KATNIP: variants seen among roughly 807,000 people sequenced by gnomAD.
The protein encoded by KATNIP is katanin-interacting protein.
A neutral mutation model predicts 174.0 loss-of-function variants in KATNIP; 126 were observed. The ratio of observed to expected loss-of-function variants is 0.72; its 90% CI spans 0.63 to 0.84. The LOEUF (loss-of-function observed/expected upper bound fraction) is 0.84. Ranked by LOEUF, KATNIP falls within the 40% of genes least tolerant of loss-of-function variation. The pLI is 0.00. For synonymous variants in KATNIP, 810 were observed against 835.7 expected (o/e 0.97, Z 0.53); for missense variants, 1,958 against 2,109.7 (o/e 0.93, Z 1.41).
rs1195279565 is a variant in KATNIP at position 27,774,625 on chromosome 16, T to G, written c.4310-320T>G. On this transcript the variant is annotated intron_variant, in intron 23 of 27. Coordinates refer to ENST00000261588, the MANE Select transcript of KATNIP (RefSeq NM_015202.5). ...AAGAAAACCTCCGCAGAGCTTGCCCTCCACCCTCTCAAGCAGCAGCAACAT... is the reference window on the plus strand; with the variant it reads ...AAGAAAACCTCCGCAGAGCTTGCCCGCCACCCTCTCAAGCAGCAGCAACAT... 2.0e-5 allele frequency among the ~76,000 whole-genome samples: 3 copies of G among 152,114 alleles called. No individual in the cohort carries two copies. In the East Asian group the frequency reaches 5.8e-4, roughly 29 times the overall value.
chr16:27,733,830 G>T (rs1438589961), intron 14 of KATNIP, among the ~76,000 whole-genome samples: 1 of 152,132 alleles, frequency 6.6e-6, no homozygotes, highest in Non-Finnish European at 1.5e-5. Flanking sequence ...CACTGAGGGG[G>T]CGCAGAGGAA....
intron 8 of KATNIP, among the ~76,000 whole-genome samples, chr16:27,690,355 TA>T (rs370609920): frequency 1.2e-4 from 13 of 109,056 alleles, no homozygotes; most frequent in Non-Finnish European, 1.8e-4. Flanking sequence ...GATAGATAGA[TA>T]GATAGATGAT....
In KATNIP at chr16:27,667,582, G is replaced by C. The variant is rs76715028; in HGVS notation, c.541-10147G>C. 3.2e-3 allele frequency among the ~76,000 whole-genome samples: 489 copies of C among 152,240 alleles called. 26 individuals carry two copies. In the East Asian group the frequency reaches 0.087, roughly 27 times the overall value. ...ATTGGGGTTCCAGGGGCAGGGGGTT[G>C]GTTGGGGAGGTCTGGCCTTTCTGCC... On this transcript the variant is annotated intron_variant, in intron 6 of 27. Transcript: ENST00000261588.
chr16:27,764,128 T>C (rs1189822526), intron 19 of KATNIP, among the ~76,000 whole-genome samples: 1 of 152,226 alleles, frequency 6.6e-6, no homozygotes, highest in African/African-American at 2.4e-5. Flanking sequence ...TTTAAATTTA[T>C]TTGCTGAAAT....
In KATNIP at chr16:27,637,772, T is replaced by C. The variant is rs1370028044; in HGVS notation, c.408+6610T>C. ...GGCCTAGAAGACCACAGGAGGAAGT[T>C]TGGATTTCAATCTAAATGTGAGAAT... is the stretch of plus-strand genomic sequence containing the variant. On this transcript the variant is annotated intron_variant, in intron 5 of 27. Coordinates refer to ENST00000261588, the MANE Select transcript of KATNIP (RefSeq NM_015202.5). This position sits in a 1 kb window ranked among gnomAD's most constrained non-coding sequence, Gnocchi z 4.7. Among the ~76,000 whole-genome samples, 1 of 152,042 alleles carries C rather than the reference T, an allele frequency of 6.6e-6. No homozygotes were observed. The highest frequency in any genetic ancestry group is 2.4e-5 in the African/African-American group (1 of 41,374).
chr16:27,686,383 T>G (rs919854696), intron 8 of KATNIP, among the ~76,000 whole-genome samples: 2 of 152,360 alleles, frequency 1.3e-5, no homozygotes, highest in Admixed American at 1.3e-4. Context: ...AAGTCTACTT[T>G]GTCTGATATA....
At chr16:27,606,295 A>G (rs542037460) in intron 2 of KATNIP, among the ~76,000 whole-genome samples, 29 of 152,120 alleles carry the variant, frequency 1.9e-4, no homozygotes, top group Non-Finnish European at 3.2e-4. Context: ...ACTGTAAGAT[A>G]CATTTGGATC....
At chr16:27,754,079 G>A (rs539490102) in intron 17 of KATNIP, 94 bp from the exon 18 acceptor site, 3 of 971,436 alleles carry the variant, frequency 3.1e-6, no homozygotes, top group East Asian at 2.4e-5. Context: ...GGCATAGGGT[G>A]GGCAGTGGTA....
At chr16:27,616,595 C>T (rs1487812071) in intron 2 of KATNIP, among the ~76,000 whole-genome samples, 1 of 151,138 alleles carries the variant, frequency 6.6e-6, no homozygotes, top group East Asian at 2.0e-4. Flanking sequence ...GGCATGGTGG[C>T]AGGTGACTGT....
intron 18 of KATNIP, among the ~76,000 whole-genome samples, chr16:27,761,172 C>T (rs950304176): frequency 6.6e-6 from 1 of 152,162 alleles, no homozygotes; most frequent in Non-Finnish European, 1.5e-5. Flanking sequence ...AGGAAGGACT[C>T]AGGGCTATGT....
At chr16:27,574,196 A>G in intron 2 of KATNIP, 4 of 516,330 alleles carry the variant, frequency 7.7e-6, no homozygotes, top group Non-Finnish European at 1.4e-5. Context: ...TTGTCTGTGT[A>G]ACAAATCATC....
At chr16:27,667,548 A>G (rs894804690) in intron 6 of KATNIP, among the ~76,000 whole-genome samples, 13 of 152,128 alleles carry the variant, frequency 8.5e-5, no homozygotes, top group African/African-American at 3.1e-4. Context: ...CAACCAAATG[A>G]GAGACATTAT....
chr16:27,667,092 A>G (rs116248838), intron 6 of KATNIP, among the ~76,000 whole-genome samples: 3,438 of 152,224 alleles, frequency 0.023, 150 homozygotes, highest in African/African-American at 0.079. Flanking sequence ...AGGCCGAGGC[A>G]GGAGGATCGC....
chr16:27,578,087 G>T (rs910125449), intron 2 of KATNIP, among the ~76,000 whole-genome samples: 13 of 152,210 alleles, frequency 8.5e-5, no homozygotes, highest in East Asian at 3.9e-4. Context: ...TGCAACCTGG[G>T]CATCAGAATT....
chr16:27,625,939 TC>T (rs2076320265), intron 3 of KATNIP, among the ~76,000 whole-genome samples: 1 of 151,500 alleles, frequency 6.6e-6, no homozygotes, highest in Non-Finnish European at 1.5e-5. Flanking sequence ...AGCCTCAACC[TC>T]CCCAGTTCAA....
intron 14 of KATNIP, among the ~76,000 whole-genome samples, chr16:27,736,991 G>A (rs1436222459): frequency 1.3e-5 from 2 of 152,152 alleles, no homozygotes; most frequent in Admixed American, 6.5e-5. Context: ...GAGAGGGGAC[G>A]AGGGGACGGC....
At chr16:27,635,913 G>A (rs2076621391) in intron 5 of KATNIP, among the ~76,000 whole-genome samples, 1 of 152,046 alleles carries the variant, frequency 6.6e-6, no homozygotes, top group African/African-American at 2.4e-5. Flanking sequence ...TAGCACTTTG[G>A]GAGGCCGAGG....
intron 13 of KATNIP, among the ~76,000 whole-genome samples, chr16:27,711,750 C>T (rs755428004): frequency 2.0e-5 from 3 of 152,194 alleles, no homozygotes; most frequent in Non-Finnish European, 4.4e-5. Flanking sequence ...ACTCAAACGG[C>T]GGGCTGGATG....
intron 10 of KATNIP, 97 bp downstream of exon 10, chr16:27,699,696 C>T (rs2142985910): frequency 6.5e-7 from 1 of 1,538,130 alleles, no homozygotes; most frequent in Non-Finnish European, 8.9e-7. Context: ...TATGCATGTG[C>T]ATAGCACCTG....
Sources: allele counts gnomAD v4.1 joint callset (sites outside exome capture counted in the v4.1 genomes callset), GRCh38; gene constraint gnomAD v4.1.1; non-coding constraint Gnocchi (gnomAD v3.1); transcripts MANE v1.5; gene names NCBI Gene and HGNC (gene_info 2026-07-23, HGNC 2026-07-21).